The following ATXN10 variants were observed in gnomAD, a reference collection of about 807,000 sequenced individuals.
The protein encoded by ATXN10 is ataxin-10.
Under a neutral mutation model 52.9 loss-of-function variants are expected in ATXN10, and 28 were observed. The ratio of observed to expected loss-of-function variants is 0.53; its 90% confidence interval spans 0.39 to 0.73. ATXN10 has a LOEUF of 0.73. Among genes scored for constraint, ATXN10 ranks in the 30% least tolerant of loss-of-function variants. The pLI is 0.00. For synonymous variants in ATXN10, 226 were observed against 221.5 expected, an observed-to-expected ratio of 1.02 and a Z score of -0.18; for missense variants, 565 against 577.0, an observed-to-expected ratio of 0.98 and a Z score of 0.21.
intron 9 of ATXN10, chr22:45,793,848 G>GC (rs1927609637): frequency 7.8e-7 from 1 of 1,288,510 alleles, no homozygotes; most frequent in African/African-American, 1.5e-5. Context: ...TCAAGGGTGA[G>GC]CTGGTGGTGG....
Position 45,826,381 on chromosome 22 carries a change from T to C in ATXN10, c.1238-16610T>C, listed in dbSNP as rs530762304. ...AAGAGAAAAGGGCAGAGAGAATATC[T>C]GAAGAAATAAGGACTGAAAATTTTC... On this transcript the variant is annotated intron_variant, in intron 10 of 11. Transcript: ENST00000252934. This position sits in a 1 kb window ranked among gnomAD's most constrained non-coding sequence, Gnocchi z 5.0. 5.9e-5 allele frequency among the ~76,000 whole-genome samples: 9 copies of C among 152,276 alleles called. No homozygotes were observed. The highest frequency in any genetic ancestry group is 3.9e-4 in the Admixed American group (6 of 15,294).
chr22:45,795,145 T>G lies in ATXN10; in HGVS notation c.1174-11814T>G, dbSNP rs563064523. On this transcript the variant is annotated intron_variant, in intron 9 of 11. Coordinates refer to ENST00000252934, the MANE Select transcript of ATXN10 (RefSeq NM_013236.4). The surrounding 1 kb of genome is among the most constrained non-coding windows in gnomAD (Gnocchi z 4.6). ...ACTCTAAACTCCAGTGCAACCACTT[T>G]TAGAAAAAGAGAGAGACAGTTAACA... is the stretch of plus-strand genomic sequence containing the variant. Among the ~76,000 whole-genome samples, 1 of 152,142 alleles carries G rather than the reference T, an allele frequency of 6.6e-6. No homozygotes were observed.
chr22:45,838,769 C>T (rs527808001), intron 10 of ATXN10, among the ~76,000 whole-genome samples: 1 of 152,236 alleles, frequency 6.6e-6, no homozygotes, highest in African/African-American at 2.4e-5. Flanking sequence ...CTTCCTAGGG[C>T]TATATTTTAC....
At chr22:45,814,313 T>G (rs1355315962) in intron 10 of ATXN10, among the ~76,000 whole-genome samples, 1 of 152,196 alleles carries the variant, frequency 6.6e-6, no homozygotes, top group Non-Finnish European at 1.5e-5. Flanking sequence ...GACTCAAGAC[T>G]TGCATGCCAC....
intron 7 of ATXN10, among the ~76,000 whole-genome samples, chr22:45,731,780 T>C (rs753850046): frequency 1.6e-4 from 25 of 152,374 alleles, no homozygotes; most frequent in Middle Eastern, 3.4e-3. Context: ...CATTTTGATA[T>C]TGATTTTCTG....
intron 9 of ATXN10, among the ~76,000 whole-genome samples, chr22:45,794,296 C>T (rs1927629984): frequency 6.6e-6 from 1 of 151,046 alleles, no homozygotes; most frequent in African/African-American, 2.4e-5. Context: ...GTATCCAAGC[C>T]TTTGATTTTT....
rs1054421895 is a variant in ATXN10 at position 45,727,412 on chromosome 22, G to A, written c.729-2013G>A. The stretch of plus-strand genomic sequence containing the variant: ...CTCGCTCTGTTGCCCAGGCTGGGGT[G>A]CAGTGGCACGATCTTGGCTTACTGT... On this transcript the variant is annotated intron_variant, in intron 6 of 11. Transcript: ENST00000252934. This position sits in a 1 kb window ranked among gnomAD's most constrained non-coding sequence, Gnocchi z 4.6. Among the ~76,000 whole-genome samples, 9 of 152,024 alleles carry A rather than the reference G, an allele frequency of 5.9e-5. No homozygotes were observed. The highest frequency in any genetic ancestry group is 2.2e-4 in the African/African-American group (9 of 41,374).
rs1309301455 is a variant in ATXN10, at chr22:45,774,805, C to T, written c.1174-32154C>T. Among the ~76,000 whole-genome samples the T allele has an allele frequency of 4.6e-5, 7 of 152,114 alleles. No individual in the cohort carries two copies. The highest frequency in any genetic ancestry group is 1.9e-4 in the East Asian group (1 of 5,178). ...AAAATTAGCTGAGTGTGGTGGCACG[C>T]GCCTGTAATCCCAGTTACTGGGGAG... On this transcript the variant is annotated intron_variant, in intron 9 of 11. Coordinates refer to ENST00000252934, the MANE Select transcript of ATXN10 (RefSeq NM_013236.4). The surrounding 1 kb of genome is among the most constrained non-coding windows in gnomAD (Gnocchi z 6.2).
chr22:45,686,301 A>G (rs537256694), intron 1 of ATXN10, among the ~76,000 whole-genome samples: 4 of 152,342 alleles, frequency 2.6e-5, no homozygotes, highest in African/African-American at 9.6e-5. Flanking sequence ...AACAAATTCA[A>G]TTAATGGGTG....
chr22:45,699,586 G>C (rs1250472988), intron 3 of ATXN10, among the ~76,000 whole-genome samples: 5 of 149,652 alleles, frequency 3.3e-5, no homozygotes. Flanking sequence ...CACCTCCTGG[G>C]TTCAAGCAAT....
At position 45,757,701 on chromosome 22, in the gene ATXN10, T is replaced by C. The variant is rs1242866796; in HGVS notation, c.1173+17163T>C. Among the ~76,000 whole-genome samples the C allele has an allele frequency of 1.3e-5, 2 of 152,220 alleles. No homozygotes were observed. Among genetic ancestry groups the C allele is most frequent in the African/African-American group, 4.8e-5 (2 of 41,454 alleles). On this transcript the variant is annotated intron_variant, in intron 9 of 11. Transcript: ENST00000252934. This position sits in a 1 kb window ranked among gnomAD's most constrained non-coding sequence, Gnocchi z 4.6. The stretch of plus-strand genomic sequence containing the variant: ...AGGATTCAATACATTTTTCATATGC[T>C]GACCTTATAAGTCATATTGTTTTGA...
chr22:45,813,661 A>G (rs1928362766), intron 10 of ATXN10, among the ~76,000 whole-genome samples: 1 of 151,874 alleles, frequency 6.6e-6, no homozygotes, highest in Admixed American at 6.6e-5. Flanking sequence ...ATTTCCGAGC[A>G]TTGCACTCTA....
Position 45,681,692 on chromosome 22 carries a change from A to C in ATXN10, c.117-8020A>C, listed in dbSNP as rs141364374. Among the ~76,000 whole-genome samples the C allele has an allele frequency of 3.0e-3, 451 of 152,356 alleles. 2 individuals carry two copies. The highest frequency in any genetic ancestry group is 8.7e-3 in the South Asian group (42 of 4,824). On this transcript the variant is annotated intron_variant, in intron 1 of 11. Coordinates refer to ENST00000252934, the MANE Select transcript of ATXN10 (RefSeq NM_013236.4). The surrounding 1 kb of genome is among the most constrained non-coding windows in gnomAD (Gnocchi z 4.2). The stretch of plus-strand genomic sequence containing the variant: ...GCTAGAGAAAAACATACAGCCGTGC[A>C]GACTGCTCTCACTTTAACTTGCTGA...
chr22:45,798,874 A>G (rs903952724), intron 9 of ATXN10, among the ~76,000 whole-genome samples: 18 of 152,266 alleles, frequency 1.2e-4, no homozygotes, highest in African/African-American at 4.3e-4. Flanking sequence ...AATGCCACAT[A>G]CAATAGCATC....
Position 45,825,096 on chromosome 22 carries a change from G to A in ATXN10, c.1238-17895G>A, listed in dbSNP as rs986842531. 1.3e-5 allele frequency among the ~76,000 whole-genome samples: 2 copies of A among 152,218 alleles called. No individual in the cohort carries two copies. Among genetic ancestry groups the A allele is most frequent in the African/African-American group, 4.8e-5 (2 of 41,460 alleles). ...CTGTACACTGTTCCTAGAGCATCTT[G>A]CAAGCAGCTTGTGGGAGCCAGGTAG... On this transcript the variant is annotated intron_variant, in intron 10 of 11. Transcript: ENST00000252934. This position sits in a 1 kb window ranked among gnomAD's most constrained non-coding sequence, Gnocchi z 4.5.
intron 10 of ATXN10, among the ~76,000 whole-genome samples, chr22:45,830,043 AGAGAATCCAGAG>A (rs1255415911): frequency 6.6e-6 from 1 of 152,258 alleles, no homozygotes; most frequent in Non-Finnish European, 1.5e-5. Flanking sequence ...GGGACAGAAT[AGAGAATCCAGAG>A]ATAAATCTCC....
At chr22:45,793,911 C>A in intron 9 of ATXN10, 1 of 1,217,498 alleles carries the variant, frequency 8.2e-7, no homozygotes, top group Non-Finnish European at 1.0e-6. Context: ...AGAGGTGCTG[C>A]TCCTTGCAGA....
chr22:45,757,473 G>C lies in ATXN10; in HGVS notation c.1173+16935G>C, dbSNP rs750030082. 1.3e-5 allele frequency among the ~76,000 whole-genome samples: 2 copies of C among 152,100 alleles called. No homozygotes were observed. Among genetic ancestry groups the C allele is most frequent in the Non-Finnish European group, 2.9e-5 (2 of 68,018 alleles). ...AGGATTTCGCTGCTCCCCGTTCAAG[G>C]CCTCTGGAGAATGTTCCAAAGGGAG... On this transcript the variant is annotated intron_variant, in intron 9 of 11. Coordinates refer to ENST00000252934, the MANE Select transcript of ATXN10 (RefSeq NM_013236.4). The surrounding 1 kb of genome is among the most constrained non-coding windows in gnomAD (Gnocchi z 4.6).
At position 45,833,583 on chromosome 22, in the gene ATXN10, T is replaced by C. The variant is rs1929063488; in HGVS notation, c.1238-9408T>C. On this transcript the variant is annotated intron_variant, in intron 10 of 11. Transcript: ENST00000252934. The surrounding 1 kb of genome is among the most constrained non-coding windows in gnomAD (Gnocchi z 4.3). ...ACTTAGGTGGGTTTACTTTTTCTGC[T>C]CCAAATTTTTATTTCACTTTGAATT... 6.6e-6 allele frequency among the ~76,000 whole-genome samples: 1 copy of C among 152,204 alleles called. No individual in the cohort carries two copies. Among genetic ancestry groups the C allele is most frequent in the African/African-American group, 2.4e-5 (1 of 41,452 alleles).
Sources: gnomAD v4.1 joint callset for allele counts (sites outside exome capture counted in the v4.1 genomes callset) on GRCh38, gnomAD v4.1.1 for gene constraint, Gnocchi (gnomAD v3.1) non-coding constraint, MANE v1.5 for transcripts, NCBI Gene and HGNC (gene_info 2026-07-23, HGNC 2026-07-21) for gene names.